Variants in CCDC171 observed in about 807,000 individuals in gnomAD.
CCDC171 encodes the protein coiled-coil domain-containing protein 171.
Under a neutral mutation model 168.2 loss-of-function variants are expected in CCDC171, and 177 were observed. The observed-to-expected ratio is 1.05, with a 90% CI of 0.93 to 1.19. CCDC171 has a LOEUF of 1.19. CCDC171 is among the 50% of genes most tolerant of loss of function. CCDC171 has a pLI of 0.00. For missense variants in CCDC171, 1,991 were observed against 1,539.0 expected, an observed-to-expected ratio of 1.29 and a Z score of -4.91; for synonymous variants, 687 against 540.8, an observed-to-expected ratio of 1.27 and a Z score of -3.75.
intron 1 of CCDC171, among the ~76,000 whole-genome samples, chr9:16,044,086 A>G (rs1028296007): frequency 6.6e-6 from 1 of 152,210 alleles, no homozygotes; most frequent in East Asian, 1.9e-4. Context: ...GATGAGATCG[A>G]TGTGTCTCCC....
At chr9:16,025,582 G>A (rs1833261027) in intron 6 of CCDC171, among the ~76,000 whole-genome samples, 1 of 152,130 alleles carries the variant, frequency 6.6e-6, no homozygotes, top group Admixed American at 6.5e-5. Context: ...ATGTACTTTA[G>A]CCATACAGTG....
chr9:15,788,958 C>T (rs1216270019), intron 21 of CCDC171, among the ~76,000 whole-genome samples: 1 of 151,608 alleles, frequency 6.6e-6, no homozygotes, highest in Non-Finnish European at 1.5e-5. Context: ...TAGACATTCC[C>T]TGCAATAAAT....
intron 3 of CCDC171, among the ~76,000 whole-genome samples, chr9:16,003,103 T>G (rs1832602588): frequency 6.6e-6 from 1 of 152,230 alleles, no homozygotes; most frequent in African/African-American, 2.4e-5. Flanking sequence ...CTTACACAAT[T>G]TCTGCATCTC....
rs1589305229 is a variant in CCDC171, at chr9:15,993,014, A to G, written n.369-27575A>G. On this transcript the variant is annotated intron_variant and non_coding_transcript_variant, in intron 3 of 9. Coordinates refer to the CCDC171 transcript ENST00000486641. ...GAATCAATATCATGAAAATGGCCAT[A>G]CTTCCCAAGGTAATTTATAGATTCA... Among the ~76,000 whole-genome samples, 5 of 152,340 alleles carry G rather than the reference A, an allele frequency of 3.3e-5. No homozygotes were observed. The South Asian group carries it at 1.0e-3, about 32-fold the overall frequency.
At chr9:15,961,741 TG>T (rs1830354039) in intron 25 of CCDC171, among the ~76,000 whole-genome samples, 6 of 152,300 alleles carry the variant, frequency 3.9e-5, no homozygotes, top group African/African-American at 1.4e-4. Flanking sequence ...TATATAAATA[TG>T]TATAGTTTCA....
chr9:15,756,180 A>T (rs1010412443), intron 18 of CCDC171, among the ~76,000 whole-genome samples: 1 of 152,164 alleles, frequency 6.6e-6, no homozygotes, highest in African/African-American at 2.4e-5. Flanking sequence ...AACAAACTCA[A>T]CATAGAGAGG....
Position 15,596,804 on chromosome 9 carries a change from A to G in CCDC171, c.675+2632A>G, listed in dbSNP as rs80066791. Among the ~76,000 whole-genome samples, 10 of 151,036 alleles carry G rather than the reference A, an allele frequency of 6.6e-5. No homozygotes were observed. The East Asian group carries it at 1.2e-3, about 18-fold the overall frequency. On this transcript the variant is annotated intron_variant, in intron 6 of 25. Coordinates refer to ENST00000380701, the MANE Select transcript of CCDC171 (RefSeq NM_173550.4). ...ATGGAATGTTCTTCCATTTGTTTGTATCCTCTTTTATTTTGTTGAGCAGTG... is the reference window on the plus strand; with the variant it reads ...ATGGAATGTTCTTCCATTTGTTTGTGTCCTCTTTTATTTTGTTGAGCAGTG...
At chr9:15,745,165 A>G (rs1477114307) in intron 17 of CCDC171, among the ~76,000 whole-genome samples, 1 of 152,238 alleles carries the variant, frequency 6.6e-6, no homozygotes, top group Non-Finnish European at 1.5e-5. Context: ...ATGGGTTAAA[A>G]ATATATTGAA....
intron 24 of CCDC171, among the ~76,000 whole-genome samples, chr9:15,899,635 C>G (rs753601853): frequency 2.0e-5 from 3 of 152,070 alleles, no homozygotes; most frequent in Non-Finnish European, 4.4e-5. Context: ...TGTATATTCT[C>G]TTTTGATAAA....
At chr9:15,945,039 C>T (rs1426134946) in intron 25 of CCDC171, among the ~76,000 whole-genome samples, 2 of 151,748 alleles carry the variant, frequency 1.3e-5, no homozygotes, top group Non-Finnish European at 1.5e-5. Flanking sequence ...CCCCGCCCAC[C>T]CCACAACAGT....
At chr9:15,691,851 A>AT (rs1449609995) in intron 10 of CCDC171, among the ~76,000 whole-genome samples, 2 of 151,406 alleles carry the variant, frequency 1.3e-5, no homozygotes, top group Non-Finnish European at 2.9e-5. Context: ...CTGGTTTTTC[A>AT]TTTTTTTGTA....
At chr9:15,920,065 A>T (rs1438553603) in intron 24 of CCDC171, among the ~76,000 whole-genome samples, 3 of 151,714 alleles carry the variant, frequency 2.0e-5, no homozygotes, top group Non-Finnish European at 4.4e-5. Context: ...ATACTCTGGA[A>T]TGAAGTCTCA....
intron 24 of CCDC171, among the ~76,000 whole-genome samples, chr9:15,908,656 AAAAAG>A (rs1361433153): frequency 2.6e-5 from 4 of 152,248 alleles, no homozygotes; most frequent in Non-Finnish European, 5.9e-5. Flanking sequence ...AAGTATAAAA[AAAAAG>A]AGAAATATCT....
chr9:16,050,241 C>G lies in CCDC171; in HGVS notation n.89+7355C>G, dbSNP rs972726428. ...AAGATCTGTATAATTGTTGATAAGT[C>G]AAGTGTATGAGGCTACTTAATGGTA... On this transcript the variant is annotated intron_variant and non_coding_transcript_variant, in intron 1 of 1. Coordinates refer to the CCDC171 transcript ENST00000478913. 5.3e-5 allele frequency among the ~76,000 whole-genome samples: 8 copies of G among 152,170 alleles called. No individual in the cohort carries two copies. In the East Asian group the frequency reaches 1.3e-3, roughly 26 times the overall value.
At chr9:15,815,265 T>G (rs769376497) in intron 21 of CCDC171, among the ~76,000 whole-genome samples, 2 of 152,048 alleles carry the variant, frequency 1.3e-5, no homozygotes, top group Admixed American at 6.6e-5. Flanking sequence ...CTGCTTTGGG[T>G]TTTTCTCTCC....
intron 25 of CCDC171, among the ~76,000 whole-genome samples, chr9:15,970,902 G>T (rs773563403): frequency 6.6e-6 from 1 of 152,146 alleles, no homozygotes; most frequent in Non-Finnish European, 1.5e-5. Flanking sequence ...CGGGGACTGT[G>T]CTCACCACCT....
chr9:15,992,106 G>A (rs1371252212), intron 3 of CCDC171, among the ~76,000 whole-genome samples: 1 of 152,144 alleles, frequency 6.6e-6, no homozygotes, highest in East Asian at 1.9e-4. Flanking sequence ...TGATACCAAA[G>A]CCTGGCAGAG....
At chr9:15,959,778 T>C (rs1332937479) in intron 25 of CCDC171, among the ~76,000 whole-genome samples, 1 of 152,096 alleles carries the variant, frequency 6.6e-6, no homozygotes, top group Non-Finnish European at 1.5e-5. Flanking sequence ...CCTAATGCCT[T>C]TCCTCCATGC....
chr9:15,880,702 C>T (rs916400220), intron 24 of CCDC171, among the ~76,000 whole-genome samples: 3 of 151,238 alleles, frequency 2.0e-5, no homozygotes, highest in Non-Finnish European at 4.4e-5. Flanking sequence ...TCTCGAACTC[C>T]TGACCTCAAG....
Sources: gnomAD v4.1 joint callset for allele counts (sites outside exome capture counted in the v4.1 genomes callset) on GRCh38, gnomAD v4.1.1 for gene constraint, MANE v1.5 for transcripts, NCBI Gene and HGNC (gene_info 2026-07-23, HGNC 2026-07-21) for gene names.